The following PTPRD variants were observed in gnomAD, a reference collection of about 807,000 sequenced individuals.
The protein encoded by PTPRD is protein tyrosine phosphatase receptor type D.
Under a neutral mutation model 214.5 loss-of-function variants are expected in PTPRD, and 34 were observed. That is an observed-to-expected ratio of 0.16 (90% CI 0.12 to 0.21). The LOEUF (loss-of-function observed/expected upper bound fraction) is 0.21. Among genes scored for constraint, PTPRD ranks in the 10% least tolerant of loss-of-function variants. PTPRD has a pLI of 1.00. For missense variants in PTPRD, 2,545 were observed against 2,398.7 expected, an observed-to-expected ratio of 1.06 and a Z score of -1.27; for synonymous variants, 1,128 against 845.7, an observed-to-expected ratio of 1.33 and a Z score of -5.79.
chr9:8,813,804 C>T (rs548447430), intron 11 of PTPRD, among the ~76,000 whole-genome samples: 3 of 152,202 alleles, frequency 2.0e-5, no homozygotes, highest in Non-Finnish European at 1.5e-5. Context: ...TACAGTTCTG[C>T]TGTCTAATAT....
intron 7 of PTPRD, among the ~76,000 whole-genome samples, chr9:9,631,310 A>C (rs911004324): frequency 2.6e-5 from 4 of 152,082 alleles, no homozygotes; most frequent in Non-Finnish European, 5.9e-5. Context: ...AATTCTACAA[A>C]TTGTGAAAAT....
intron 9 of PTPRD, among the ~76,000 whole-genome samples, chr9:9,244,322 T>A (rs939468929): frequency 6.6e-6 from 1 of 152,112 alleles, no homozygotes; most frequent in East Asian, 1.9e-4. Flanking sequence ...AGAGCCCGCA[T>A]TGCCAAGTCA....
At chr9:10,100,708 A>C (rs1186979372) in intron 3 of PTPRD, among the ~76,000 whole-genome samples, 1 of 151,682 alleles carries the variant, frequency 6.6e-6, no homozygotes, top group African/African-American at 2.4e-5. Context: ...AGTAAGAAGA[A>C]TGAATATATA....
chr9:10,307,632 G>A (rs1209644365), intron 3 of PTPRD, among the ~76,000 whole-genome samples: 2 of 151,944 alleles, frequency 1.3e-5, no homozygotes, highest in Non-Finnish European at 2.9e-5. Context: ...TATCCATACT[G>A]TTTTCCATAA....
At chr9:10,358,775 T>C (rs567424632) in intron 2 of PTPRD, among the ~76,000 whole-genome samples, 5 of 152,110 alleles carry the variant, frequency 3.3e-5, no homozygotes, top group East Asian at 3.9e-4. Flanking sequence ...GTTCATTTGA[T>C]AGAAAATTAA....
rs146073475 is a variant in PTPRD, at chr9:8,341,930, T to C, written c.4710A>G (p.Leu1570=). 1.2e-4 allele frequency: 194 copies of C among 1,613,002 alleles called. No individual in the cohort carries two copies. In the African/African-American group the frequency reaches 2.2e-3, roughly 18 times the overall value. Residue 1570 remains leucine (L), a synonymous_variant, in exon 40 of 46, where the codon TTA becomes TTG. Coordinates refer to ENST00000381196, the MANE Select transcript of PTPRD (RefSeq NM_002839.4). Reference sequence around the variant, plus strand: ...CAGTTTTTTCATGCTTTATTCTTTCTAACATGGCATCTATGACGATGAAGC... The same window carrying C: ...CAGTTTTTTCATGCTTTATTCTTTCCAACATGGCATCTATGACGATGAAGC... ...TGCFIVIDAM[L]ERIKHEKTVD... is the part of the protein sequence containing the mutation.
At chr9:9,689,859 A>T (rs1027767505) in intron 7 of PTPRD, among the ~76,000 whole-genome samples, 1 of 151,882 alleles carries the variant, frequency 6.6e-6, no homozygotes, top group Non-Finnish European at 1.5e-5. Context: ...ATGTATGTAC[A>T]CATTTTCGTT....
intron 5 of PTPRD, among the ~76,000 whole-genome samples, chr9:9,842,088 G>T (rs992552741): frequency 1.3e-5 from 2 of 151,852 alleles, no homozygotes; most frequent in Non-Finnish European, 2.9e-5. Context: ...ATTTTTGGAT[G>T]TATATATACA....
intron 3 of PTPRD, among the ~76,000 whole-genome samples, chr9:10,238,283 A>G (rs1308337106): frequency 1.3e-5 from 2 of 151,824 alleles, no homozygotes; most frequent in East Asian, 2.0e-4. Context: ...CCTGAAACCA[A>G]TCTAATAGCT....
intron 11 of PTPRD, among the ~76,000 whole-genome samples, chr9:8,765,512 G>A (rs947020599): frequency 1.3e-5 from 2 of 152,078 alleles, no homozygotes; most frequent in African/African-American, 4.8e-5. Flanking sequence ...TTAGAAGCGG[G>A]TATTATCAGT....
At chr9:8,790,768 G>GAAAAAA (rs34252968) in intron 11 of PTPRD, among the ~76,000 whole-genome samples, 2 of 146,184 alleles carry the variant, frequency 1.4e-5, no homozygotes, top group Non-Finnish European at 1.5e-5. Context: ...GTAGGGAAAG[G>GAAAAAA]AAAAAAAAAA....
At chr9:9,756,815 C>T (rs1163318873) in intron 6 of PTPRD, among the ~76,000 whole-genome samples, 1 of 152,176 alleles carries the variant, frequency 6.6e-6, no homozygotes, top group Non-Finnish European at 1.5e-5. Flanking sequence ...TTACAAAATA[C>T]TGCCTCCCAT....
intron 3 of PTPRD, among the ~76,000 whole-genome samples, chr9:10,275,644 T>A (rs907807907): frequency 1.4e-4 from 21 of 152,174 alleles, no homozygotes; most frequent in African/African-American, 4.8e-4. Context: ...CCATTCCCTC[T>A]CTTTCAAGGT....
At chr9:9,276,224 T>A (rs550450116) in intron 9 of PTPRD, among the ~76,000 whole-genome samples, 1 of 151,378 alleles carries the variant, frequency 6.6e-6, no homozygotes, top group Non-Finnish European at 1.5e-5. Context: ...TCAGTCATTT[T>A]CAGATTAAAG....
intron 12 of PTPRD, among the ~76,000 whole-genome samples, chr9:8,670,582 T>C (rs960681944): frequency 5.9e-5 from 9 of 152,192 alleles, no homozygotes; most frequent in African/African-American, 2.2e-4. Context: ...TTTCTATATA[T>C]CTATAAGTAT....
intron 2 of PTPRD, among the ~76,000 whole-genome samples, chr9:10,597,393 G>T (rs2076871368): frequency 6.6e-6 from 1 of 151,514 alleles, no homozygotes; most frequent in East Asian, 1.9e-4. Flanking sequence ...GCACTGTCAG[G>T]GTTTCATTCT....
Position 8,679,301 on chromosome 9 carries a change from T to C in PTPRD, c.65-42457A>G, listed in dbSNP as rs371198648. On this transcript the variant is annotated intron_variant, in intron 12 of 45. Coordinates refer to ENST00000381196, the MANE Select transcript of PTPRD (RefSeq NM_002839.4). The stretch of plus-strand genomic sequence containing the variant: ...TTGATACGATTTCTGATCTGGAAAT[T>C]CAGATATTTAAATAACTGTTCTCCA... Among the ~76,000 whole-genome samples the C allele has an allele frequency of 8.5e-5, 13 of 152,322 alleles. No individual in the cohort carries two copies. The East Asian group carries it at 1.2e-3, about 14-fold the overall frequency.
intron 12 of PTPRD, among the ~76,000 whole-genome samples, chr9:8,704,779 G>A (rs1487846189): frequency 1.4e-5 from 2 of 138,266 alleles, no homozygotes; most frequent in Admixed American, 1.5e-4. Context: ...AAATTAGCCG[G>A]GTGTGGTGGT....
Position 8,486,160 on chromosome 9 carries a change from T to C in PTPRD, c.2657A>G (p.His886Arg). The C allele has an allele frequency of 6.2e-7, 1 of 1,614,204 alleles. No homozygotes were observed. The highest frequency in any genetic ancestry group is 1.1e-5 in the South Asian group (1 of 91,088). The change falls in exon 28 of 46, where the codon CAC becomes CGC. Residue 886 changes from histidine (H) to arginine (R), a missense_variant. Physicochemically the swap from His to Arg is conservative, Grantham distance 29. Transcript: ENST00000381196. ...CCTGAAGACGTATGATGCTCCCTTG[T>C]GGATGTCTGTAGCTGTAAAGTGATC... ...KEDHFTATDI[H>R]KGASYVFRLS...
Sources: gnomAD v4.1 joint callset for allele counts (sites outside exome capture counted in the v4.1 genomes callset) on GRCh38, gnomAD v4.1.1 for gene constraint, MANE v1.5 for transcripts, NCBI Gene and HGNC (gene_info 2026-07-23, HGNC 2026-07-21) for gene names.